RPGRIP1L: variants seen among roughly 807,000 people sequenced by gnomAD.
The protein encoded by RPGRIP1L is RPGRIP1 like, also known as protein fantom.
In RPGRIP1L, 131 loss-of-function variants were observed where a neutral mutation model predicts 160.4. The ratio of observed to expected loss-of-function variants is 0.82; its 90% confidence interval spans 0.71 to 0.94. The LOEUF (loss-of-function observed/expected upper bound fraction) is 0.94. Among genes scored for constraint, RPGRIP1L ranks in the 40% least tolerant of loss-of-function variants. The pLI, the probability that RPGRIP1L is intolerant of heterozygous loss-of-function variation, is 0.00. For missense variants in RPGRIP1L, 1,522 were observed against 1,535.8 expected (o/e 0.99, Z 0.15); for synonymous variants, 510 against 515.8 (o/e 0.99, Z 0.15).
intron 26 of RPGRIP1L, 117 bp from the exon 27 acceptor site, chr16:53,602,305 T>C: frequency 2.7e-6 from 2 of 727,542 alleles, no homozygotes; most frequent in Non-Finnish European, 4.9e-6. Context: ...AGTCCAAAGT[T>C]CACTGGCATC....
intron 6 of RPGRIP1L, among the ~76,000 whole-genome samples, chr16:53,684,754 A>G (rs541868877): frequency 6.9e-6 from 1 of 145,632 alleles, no homozygotes; most frequent in Non-Finnish European, 1.5e-5. Flanking sequence ...TAATAAAATT[A>G]AAAAAAAAAA....
intron 26 of RPGRIP1L, among the ~76,000 whole-genome samples, chr16:53,602,775 G>GAAA (rs398029414): frequency 7.5e-6 from 1 of 133,174 alleles, no homozygotes; most frequent in Non-Finnish European, 1.7e-5. Flanking sequence ...ACTCCTCAAA[G>GAAA]AAAAAAAAAA....
At chr16:53,644,691 A>T (rs1320302871) in intron 17 of RPGRIP1L, among the ~76,000 whole-genome samples, 3 of 152,194 alleles carry the variant, frequency 2.0e-5, no homozygotes, top group African/African-American at 7.2e-5. Context: ...AAAGTTAAAA[A>T]CTAAACTGTT....
chr16:53,611,380 G>A (rs570160299), intron 24 of RPGRIP1L, among the ~76,000 whole-genome samples: 2 of 152,192 alleles, frequency 1.3e-5, no homozygotes, highest in African/African-American at 4.8e-5. Flanking sequence ...TTGTATTTGA[G>A]GGATTTACTG....
chr16:53,640,771 T>C (rs1486066352), intron 19 of RPGRIP1L, among the ~76,000 whole-genome samples: 5 of 151,970 alleles, frequency 3.3e-5, no homozygotes, highest in East Asian at 3.9e-4. Context: ...AGACAATTTT[T>C]TGAAGACTTA....
chr16:53,691,682 G>A (rs1419884134), intron 4 of RPGRIP1L, among the ~76,000 whole-genome samples: 5 of 152,160 alleles, frequency 3.3e-5, no homozygotes, highest in Non-Finnish European at 5.9e-5. Context: ...TGCAAATTTC[G>A]AAAAGGTCTT....
chr16:53,602,416 T>C (rs1963424858), intron 26 of RPGRIP1L, among the ~76,000 whole-genome samples: 1 of 152,154 alleles, frequency 6.6e-6, no homozygotes, highest in Non-Finnish European at 1.5e-5. Flanking sequence ...CTAAAACTAA[T>C]AAGCTAATCC....
intron 6 of RPGRIP1L, among the ~76,000 whole-genome samples, chr16:53,679,564 C>T (rs1258729369): frequency 7.3e-6 from 1 of 137,530 alleles, no homozygotes; most frequent in Non-Finnish European, 1.6e-5. Context: ...CCACACCTGG[C>T]AGGAATCTGA....
At chr16:53,608,625 G>A (rs1963832010) in intron 25 of RPGRIP1L, among the ~76,000 whole-genome samples, 1 of 152,136 alleles carries the variant, frequency 6.6e-6, no homozygotes, top group African/African-American at 2.4e-5. Context: ...ATTATACAAT[G>A]TCTATAACTT....
chr16:53,626,885 T>C (rs1009109133), intron 22 of RPGRIP1L, among the ~76,000 whole-genome samples: 2 of 152,056 alleles, frequency 1.3e-5, no homozygotes, highest in Admixed American at 6.5e-5. Context: ...TTATTTTTAG[T>C]TGTCTGTATA....
At chr16:53,642,483 A>C (rs986201695) in intron 17 of RPGRIP1L, among the ~76,000 whole-genome samples, 1 of 152,060 alleles carries the variant, frequency 6.6e-6, no homozygotes, top group Non-Finnish European at 1.5e-5. Context: ...ATAAAAGGAC[A>C]TAAGTAGAAC....
rs1349804201 is a variant in RPGRIP1L at position 53,652,985 on chromosome 16, G to A, written c.1702C>T (p.Gln568Ter). 2 of 1,610,598 alleles carry A rather than the reference G, an allele frequency of 1.2e-6. No homozygotes were observed. The highest frequency in any genetic ancestry group is 1.7e-6 in the Non-Finnish European group (2 of 1,177,890). ...RAARIHKLEAQLKDIAYGTKQ... is the reference protein window; with the variant it reads ...RAARIHKLEA ...GTGCCATAGGCAATATCCTTTAATTGGGCTGCAAGAGAAGACACACAGTTT... is the reference window on the plus strand; with the variant it reads ...GTGCCATAGGCAATATCCTTTAATTAGGCTGCAAGAGAAGACACACAGTTT... The change falls in exon 15 of 27, where the codon CAA becomes TAA. Residue 568 changes from glutamine (Q) to a stop codon, truncating the protein, a stop_gained and splice_region_variant. Coordinates refer to ENST00000647211, the MANE Select transcript of RPGRIP1L (RefSeq NM_015272.5). LOFTEE classifies it high-confidence loss of function.
chr16:53,616,616 A>G (rs999449801), intron 24 of RPGRIP1L, among the ~76,000 whole-genome samples: 1 of 152,232 alleles, frequency 6.6e-6, no homozygotes, highest in Non-Finnish European at 1.5e-5. Flanking sequence ...TTAGATAGGA[A>G]GAGAAGCTAA....
intron 24 of RPGRIP1L, among the ~76,000 whole-genome samples, chr16:53,617,073 C>CAAAAAAAAAAAAAAAAAAAAAA (rs397945611): frequency 8.7e-4 from 19 of 21,846 alleles, no homozygotes; most frequent in Middle Eastern, 0.019. Context: ...CCTTGCATCA[C>CAAAAAAAAAAAAAAAAAAAAAA]AAAAAAAAAA....
At chr16:53,627,664 A>G (rs1370373132) in intron 22 of RPGRIP1L, among the ~76,000 whole-genome samples, 1 of 152,128 alleles carries the variant, frequency 6.6e-6, no homozygotes. Context: ...AACAACATAC[A>G]GTATTATTTT....
chr16:53,626,580 G>A (rs1469881924), intron 22 of RPGRIP1L, among the ~76,000 whole-genome samples: 3 of 152,066 alleles, frequency 2.0e-5, no homozygotes, highest in Admixed American at 1.3e-4. Context: ...TGAGGCAAGT[G>A]GATCACTTGA....
At chr16:53,681,998 A>AT (rs983324180) in intron 6 of RPGRIP1L, among the ~76,000 whole-genome samples, 1 of 152,094 alleles carries the variant, frequency 6.6e-6, no homozygotes. Flanking sequence ...TCTCCCTAAC[A>AT]TTTTTTTCAA....
At chr16:53,605,442 T>C in intron 26 of RPGRIP1L, 39 bp downstream of exon 26, 2 of 1,612,758 alleles carry the variant, frequency 1.2e-6, no homozygotes, top group Middle Eastern at 1.7e-4. Context: ...AGTTCAGCAA[T>C]TGTTGGTTGC....
intron 3 of RPGRIP1L, chr16:53,693,564 T>A (rs1233098323): frequency 6.6e-6 from 1 of 152,232 alleles, no homozygotes; most frequent in Non-Finnish European, 1.5e-5. Context: ...TTGTTTTCTC[T>A]TTCCCTTGAG....
Sources: gnomAD v4.1 joint callset for allele counts (sites outside exome capture counted in the v4.1 genomes callset) on GRCh38, gnomAD v4.1.1 for gene constraint, MANE v1.5 for transcripts, NCBI Gene and HGNC (gene_info 2026-07-23, HGNC 2026-07-21) for gene names.